SLF1: variants seen among roughly 807,000 people sequenced by gnomAD.
SLF1 encodes the protein SMC5-SMC6 complex localization factor protein 1.
SLF1 carries 105 observed loss-of-function variants against 123.0 expected under a neutral mutation model. The ratio of observed to expected loss-of-function variants is 0.85; its 90% CI spans 0.73 to 1.00. The LOEUF (loss-of-function observed/expected upper bound fraction) is 1.00. SLF1 is among the 50% of genes least tolerant of loss of function. SLF1 has a pLI of 0.00. For synonymous variants in SLF1, 434 were observed against 406.6 expected (o/e 1.07, Z -0.81); for missense variants, 1,239 against 1,223.0 (o/e 1.01, Z -0.20).
In SLF1 at chr5:94,628,777, C is replaced by T. The variant is rs559637635; in HGVS notation, c.1-34C>T. On this transcript the variant is annotated intron_variant, in intron 1 of 20. Transcript: ENST00000265140. Reference sequence around the variant, plus strand: ...TCAACCCTGTGAATAATATCTTTAACACACATTATCTTCTGTATGTTTGTA... The same window carrying T: ...TCAACCCTGTGAATAATATCTTTAATACACATTATCTTCTGTATGTTTGTA... 1.5e-5 allele frequency: 21 copies of T among 1,373,188 alleles called. No homozygotes were observed. In the South Asian group the frequency reaches 2.1e-4, roughly 14 times the overall value. The allele number at this position is 1,373,188 out of a possible 1,614,324, so 85.1% of individuals were successfully genotyped here.
At position 94,670,904 on chromosome 5, in the gene SLF1, A is replaced by T. The variant is rs1258514637; in HGVS notation, c.1723A>T (p.Ile575Phe). The T allele has an allele frequency of 1.0e-5, 16 of 1,550,226 alleles. No homozygotes were observed. The highest frequency in any genetic ancestry group is 1.4e-5 in the Non-Finnish European group (16 of 1,146,060). ...KITGKAMLLE[I>F]FWSGSETSGL... ...AACAGGAAAGGCAATGCTTCTTGAAATTTTTTGGTCAGGAAGTGAAACCTC... is the reference window on the plus strand; with the variant it reads ...AACAGGAAAGGCAATGCTTCTTGAATTTTTTTGGTCAGGAAGTGAAACCTC... Residue 575 changes from isoleucine to phenylalanine, a missense_variant, in exon 14 of 21, where the codon ATT becomes TTT. By Grantham distance (21) the Ile-to-Phe change is conservative (BLOSUM62 0). Coordinates refer to ENST00000265140, the MANE Select transcript of SLF1 (RefSeq NM_032290.4).
intron 4 of SLF1, among the ~76,000 whole-genome samples, chr5:94,632,895 T>C (rs1455382768): frequency 1.6e-4 from 25 of 152,084 alleles, no homozygotes; most frequent in Admixed American, 1.6e-3. Context: ...TTCACTGTGT[T>C]AGTCAGGATG....
Position 94,643,453 on chromosome 5 carries a change from TAAA to T in SLF1, c.594+19_594+21del. ...TTTTAGAGGTAAGTAAAATAAATAG[TAAA>T]CATTTTATTTTGTTTCATGTGTTCA... On this transcript the variant is annotated intron_variant, in intron 5 of 20. Coordinates refer to ENST00000265140, the MANE Select transcript of SLF1 (RefSeq NM_032290.4). 7.3e-7 allele frequency: 1 copy of T among 1,377,424 alleles called. No homozygotes were observed. Among genetic ancestry groups the T allele is most frequent in the Non-Finnish European group, 9.6e-7 (1 of 1,036,430 alleles). 85.3% of individuals were successfully genotyped at this position (1,377,424 alleles called of 1,614,324 possible). A position where few individuals can be genotyped will look rare whatever the true frequency, so the allele number is the denominator to read the frequency against.
intron 1 of SLF1, among the ~76,000 whole-genome samples, chr5:94,623,499 T>C (rs1188242554): frequency 6.6e-6 from 1 of 152,096 alleles, no homozygotes; most frequent in Non-Finnish European, 1.5e-5. Flanking sequence ...TTCCCTCCTT[T>C]TTTTTGGTGT....
chr5:94,650,534 T>C (rs1331765194), intron 6 of SLF1, among the ~76,000 whole-genome samples: 7 of 152,100 alleles, frequency 4.6e-5, no homozygotes, highest in Non-Finnish European at 1.0e-4. Context: ...GGCTAATTTT[T>C]TGTATTTTCT....
chr5:94,677,461 G>C (rs1050072096), intron 14 of SLF1, among the ~76,000 whole-genome samples: 1 of 152,114 alleles, frequency 6.6e-6, no homozygotes, highest in Admixed American at 6.5e-5. Flanking sequence ...CTTTTATACT[G>C]TAATCTTTTA....
intron 14 of SLF1, among the ~76,000 whole-genome samples, chr5:94,675,163 A>G (rs1750902438): frequency 6.6e-6 from 1 of 152,240 alleles, no homozygotes; most frequent in South Asian, 2.1e-4. Context: ...CCAAGATGCT[A>G]GTTTGTTCTA....
At chr5:94,684,357 G>A (rs1752142222) in intron 15 of SLF1, among the ~76,000 whole-genome samples, 1 of 152,156 alleles carries the variant, frequency 6.6e-6, no homozygotes, top group African/African-American at 2.4e-5. Context: ...CTCAGTAGTA[G>A]CAAGAGAACG....
intron 5 of SLF1, among the ~76,000 whole-genome samples, chr5:94,648,217 G>A (rs769448497): frequency 1.3e-5 from 2 of 152,138 alleles, no homozygotes; most frequent in Admixed American, 6.5e-5. Flanking sequence ...AGGGAGAAAA[G>A]TCTTTATTTT....
At chr5:94,633,701 G>A (rs569965497) in intron 4 of SLF1, among the ~76,000 whole-genome samples, 10 of 152,290 alleles carry the variant, frequency 6.6e-5, no homozygotes, top group South Asian at 4.1e-4. Flanking sequence ...TGAATTTAGC[G>A]AGATCAAAAG....
At chr5:94,621,064 A>T (rs1312437091) in intron 1 of SLF1, among the ~76,000 whole-genome samples, 1 of 152,208 alleles carries the variant, frequency 6.6e-6, no homozygotes, top group Non-Finnish European at 1.5e-5. Flanking sequence ...TACTGAAAAT[A>T]ATTTATAATT....
chr5:94,651,289 C>T (rs1747695179), intron 6 of SLF1, among the ~76,000 whole-genome samples: 1 of 152,180 alleles, frequency 6.6e-6, no homozygotes, highest in Non-Finnish European at 1.5e-5. Context: ...CGATGTACTT[C>T]TCAAAACATA....
intron 12 of SLF1, among the ~76,000 whole-genome samples, chr5:94,668,209 T>C (rs1381313436): frequency 2.0e-5 from 3 of 151,936 alleles, no homozygotes; most frequent in Non-Finnish European, 4.4e-5. Flanking sequence ...GGCGGGATCA[T>C]AGCTCACTGC....
At chr5:94,635,335 G>A (rs1273275860) in intron 4 of SLF1, among the ~76,000 whole-genome samples, 4 of 127,966 alleles carry the variant, frequency 3.1e-5, no homozygotes, top group Non-Finnish European at 4.8e-5. Flanking sequence ...GTACATACTC[G>A]GCTTTTTTTT....
At chr5:94,687,531 TA>T (rs34197660) in intron 16 of SLF1, among the ~76,000 whole-genome samples, 2 of 151,718 alleles carry the variant, frequency 1.3e-5, no homozygotes, top group Non-Finnish European at 2.9e-5. Context: ...ACTCTGTCTC[TA>T]AAAAAAAGTT....
chr5:94,681,486 C>G (rs111916834), intron 15 of SLF1, among the ~76,000 whole-genome samples: 4 of 152,190 alleles, frequency 2.6e-5, no homozygotes, highest in Admixed American at 6.5e-5. Context: ...TTTCTATTTT[C>G]TTTTTTATTT....
At chr5:94,621,765 A>G (rs1326603961) in intron 1 of SLF1, among the ~76,000 whole-genome samples, 1 of 151,846 alleles carries the variant, frequency 6.6e-6, no homozygotes, top group Non-Finnish European at 1.5e-5. Context: ...TCTTCCTTCT[A>G]GCGCTAAATT....
At chr5:94,679,938 T>G (rs184728573) in intron 15 of SLF1, among the ~76,000 whole-genome samples, 204 of 152,320 alleles carry the variant, frequency 1.3e-3, no homozygotes, top group Non-Finnish European at 7.1e-4. Flanking sequence ...TTCCCTTTTT[T>G]TCTTTATTTC....
intron 4 of SLF1, among the ~76,000 whole-genome samples, chr5:94,635,337 CTTTTT>C (rs34524874): frequency 2.3e-5 from 1 of 43,882 alleles, no homozygotes; most frequent in Non-Finnish European, 4.2e-5. Flanking sequence ...ACATACTCGG[CTTTTT>C]TTTTTTTTTT....
Sources: gnomAD v4.1 joint callset for allele counts (sites outside exome capture counted in the v4.1 genomes callset) on GRCh38, gnomAD v4.1.1 for gene constraint, MANE v1.5 for transcripts, NCBI Gene and HGNC (gene_info 2026-07-23, HGNC 2026-07-21) for gene names.